ERBB4: variants seen among roughly 807,000 people sequenced by gnomAD.
ERBB4 encodes the protein receptor tyrosine-protein kinase erbB-4.
In ERBB4, 42 loss-of-function variants were observed where a neutral mutation model predicts 158.0. That is an observed-to-expected ratio of 0.27 (90% confidence interval 0.21 to 0.34). ERBB4 has a LOEUF of 0.34. Ranked by LOEUF, ERBB4 falls within the 10% of genes least tolerant of loss-of-function variation. The pLI is 1.00. For missense variants in ERBB4, 1,333 were observed against 1,624.1 expected (o/e 0.82, Z 3.08); for synonymous variants, 583 against 558.7 (o/e 1.04, Z -0.61).
chr2:211,881,388 AGCC>A (rs2078656673), intron 3 of ERBB4, among the ~76,000 whole-genome samples: 1 of 152,182 alleles, frequency 6.6e-6, no homozygotes, highest in Non-Finnish European at 1.5e-5. Flanking sequence ...TGAAATACTG[AGCC>A]GCAAACATCG....
chr2:211,925,007 ATAAG>A (rs2079977951), intron 3 of ERBB4, among the ~76,000 whole-genome samples: 1 of 152,186 alleles, frequency 6.6e-6, no homozygotes, highest in African/African-American at 2.4e-5. Flanking sequence ...AAGAAGATTG[ATAAG>A]TAATGACTGC....
At chr2:212,434,980 G>A (rs1001049556) in intron 1 of ERBB4, among the ~76,000 whole-genome samples, 1 of 151,960 alleles carries the variant, frequency 6.6e-6, no homozygotes. Context: ...ATCTGAAGCT[G>A]AACTCAAGCT....
intron 1 of ERBB4, among the ~76,000 whole-genome samples, chr2:212,223,412 A>AAT (rs200827950): frequency 6.2e-4 from 51 of 82,024 alleles, no homozygotes; most frequent in Non-Finnish European, 9.0e-4. Flanking sequence ...ATATTTATCA[A>AAT]ATATATATAT....
chr2:212,020,197 A>G (rs1044016658), intron 2 of ERBB4, among the ~76,000 whole-genome samples: 1 of 152,106 alleles, frequency 6.6e-6, no homozygotes, highest in African/African-American at 2.4e-5. Flanking sequence ...GTTCTGATTT[A>G]CTAGGAGTAA....
intron 5 of ERBB4, among the ~76,000 whole-genome samples, chr2:211,749,405 T>A (rs1372153598): frequency 2.0e-5 from 3 of 152,194 alleles, no homozygotes; most frequent in Non-Finnish European, 2.9e-5. Flanking sequence ...GGTGAGTGCT[T>A]ATATACATAC....
At position 211,591,145 on chromosome 2, in the gene ERBB4, C is replaced by A. The variant is rs2068448841; in HGVS notation, c.2301+28032G>T. Among the ~76,000 whole-genome samples the A allele has an allele frequency of 1.3e-5, 2 of 152,168 alleles. 1 individual carries two copies. Among genetic ancestry groups the A allele is most frequent in the South Asian group, 4.1e-4 (2 of 4,828 alleles). ...AGATATTGATTTATCATACATATAA[C>A]TGCAACCCTGGGAGCTAATTGGAGC... On this transcript the variant is annotated intron_variant, in intron 19 of 27. Transcript: ENST00000342788.
At chr2:211,843,905 G>A (rs1457571976) in intron 3 of ERBB4, among the ~76,000 whole-genome samples, 2 of 152,020 alleles carry the variant, frequency 1.3e-5, no homozygotes, top group Non-Finnish European at 2.9e-5. Context: ...TACAGATGAT[G>A]CCTTCATACA....
chr2:212,419,579 C>T (rs567840202), intron 1 of ERBB4, among the ~76,000 whole-genome samples: 2 of 151,856 alleles, frequency 1.3e-5, no homozygotes, highest in South Asian at 2.1e-4. Context: ...GCCTTTAATG[C>T]ATATTATAAT....
chr2:212,151,170 T>C lies in ERBB4; in HGVS notation c.83-26267A>G, dbSNP rs574521192. Among the ~76,000 whole-genome samples the C allele has an allele frequency of 1.5e-4, 23 of 151,988 alleles. No individual in the cohort carries two copies. In the East Asian group the frequency reaches 2.9e-3, roughly 19 times the overall value. On this transcript the variant is annotated intron_variant, in intron 1 of 27. Transcript: ENST00000342788. ...CTTTTCCCCTCACTAAAAATATACA[T>C]AGGTTAAGAGTATAAAACATGTGAT...
intron 1 of ERBB4, among the ~76,000 whole-genome samples, chr2:212,219,722 A>T (rs2105949268): frequency 6.6e-6 from 1 of 151,468 alleles, no homozygotes; most frequent in Middle Eastern, 3.4e-3. Flanking sequence ...CATCCCTGAA[A>T]TTATGTATTC....
chr2:212,037,715 C>A (rs2077047825), intron 2 of ERBB4, among the ~76,000 whole-genome samples: 1 of 152,096 alleles, frequency 6.6e-6, no homozygotes, highest in Admixed American at 6.6e-5. Flanking sequence ...GTGGAAATTA[C>A]AAACTTTTTG....
chr2:211,942,913 G>A (rs192083301), intron 3 of ERBB4, among the ~76,000 whole-genome samples: 12 of 151,974 alleles, frequency 7.9e-5, no homozygotes, highest in East Asian at 5.8e-4. Context: ...TATTAAATTC[G>A]TACCTAGGTT....
chr2:212,133,025 A>G (rs1030280265), intron 1 of ERBB4, among the ~76,000 whole-genome samples: 4 of 151,658 alleles, frequency 2.6e-5, no homozygotes, highest in African/African-American at 9.7e-5. Context: ...AAATGCACTA[A>G]CTCCTTCCTT....
At chr2:212,267,073 T>A in intron 1 of ERBB4, among the ~76,000 whole-genome samples, 1 of 124,256 alleles carries the variant, frequency 8.0e-6, no homozygotes, top group East Asian at 2.4e-4. Context: ...ACTCGGAGCT[T>A]TTCTAAATTA....
rs5838314 is a variant in ERBB4 at position 212,267,597 on chromosome 2, CTT to C, written c.83-142696_83-142695del. Among the ~76,000 whole-genome samples the C allele has an allele frequency of 1.0e-3, 49 of 47,636 alleles. No homozygotes were observed. The East Asian group carries it at 0.021, about 20-fold the overall frequency. The allele number at this position is 47,636 out of a possible 152,430, so 31.3% of individuals were successfully genotyped here. ...TCCCTAAAAATCATAGTTCTCATTT[CTT>C]TTTTTTTTTTTTATTATACTTTAAG... On this transcript the variant is annotated intron_variant, in intron 1 of 27. Coordinates refer to ENST00000342788, the MANE Select transcript of ERBB4 (RefSeq NM_005235.3).
chr2:211,677,086 T>C (rs1415231630), intron 13 of ERBB4, among the ~76,000 whole-genome samples: 3 of 152,200 alleles, frequency 2.0e-5, no homozygotes, highest in Non-Finnish European at 2.9e-5. Context: ...TTATATTTTA[T>C]GGATGGAATT....
intron 1 of ERBB4, among the ~76,000 whole-genome samples, chr2:212,187,098 C>CTT (rs1301688207): frequency 6.6e-6 from 1 of 152,048 alleles, no homozygotes; most frequent in African/African-American, 2.4e-5. Context: ...TTGGAGTTTA[C>CTT]TTGACTCTAC....
In ERBB4 at chr2:212,384,918, T is replaced by C. The variant is rs2062935; in HGVS notation, c.82+153531A>G. The stretch of plus-strand genomic sequence containing the variant: ...ATATATATATATATATATATATATA[T>C]ATACACACACACACACACTCACACA... On this transcript the variant is annotated intron_variant, in intron 1 of 27. Coordinates refer to ENST00000342788, the MANE Select transcript of ERBB4 (RefSeq NM_005235.3). Among the ~76,000 whole-genome samples, 324 of 133,754 alleles carry C rather than the reference T, an allele frequency of 2.4e-3. 3 individuals are homozygous for C. The highest frequency in any genetic ancestry group is 9.5e-3 in the African/African-American group (307 of 32,326). 87.7% of individuals were successfully genotyped at this position (133,754 alleles called of 152,430 possible).
At chr2:212,435,397 A>G (rs2092116232) in intron 1 of ERBB4, among the ~76,000 whole-genome samples, 2 of 152,168 alleles carry the variant, frequency 1.3e-5, no homozygotes, top group South Asian at 4.1e-4. Flanking sequence ...CACCATAAAT[A>G]ATTCTGGGCA....
Sources: allele counts gnomAD v4.1 joint callset (sites outside exome capture counted in the v4.1 genomes callset), GRCh38; gene constraint gnomAD v4.1.1; transcripts MANE v1.5; gene names NCBI Gene and HGNC (gene_info 2026-07-23, HGNC 2026-07-21).